Variants in SNTG1 observed in about 807,000 individuals in gnomAD.
SNTG1 encodes gamma-1-syntrophin.
SNTG1 carries 39 observed loss-of-function variants against 74.7 expected under a neutral mutation model. That is an observed-to-expected ratio of 0.52 (90% CI 0.40 to 0.68). The LOEUF (loss-of-function observed/expected upper bound fraction) is 0.68. Among genes scored for constraint, SNTG1 ranks in the 30% least tolerant of loss-of-function variants. The pLI is 0.00. For synonymous variants in SNTG1, 254 were observed against 217.1 expected, an observed-to-expected ratio of 1.17 and a Z score of -1.49; for missense variants, 685 against 609.5, an observed-to-expected ratio of 1.12 and a Z score of -1.30.
At chr8:50,324,154 C>A (rs1232822019) in intron 2 of SNTG1, among the ~76,000 whole-genome samples, 2 of 152,172 alleles carry the variant, frequency 1.3e-5, no homozygotes, top group African/African-American at 2.4e-5. Flanking sequence ...CTGGGATGGG[C>A]CATTCCTCTC....
intron 4 of SNTG1, among the ~76,000 whole-genome samples, chr8:50,427,143 C>T (rs2093173397): frequency 6.6e-6 from 1 of 152,014 alleles, no homozygotes; most frequent in Non-Finnish European, 1.5e-5. Flanking sequence ...TTCTTACTCA[C>T]AGTAAAGGTT....
At chr8:50,063,567 C>A (rs980995181) in intron 1 of SNTG1, among the ~76,000 whole-genome samples, 5 of 152,194 alleles carry the variant, frequency 3.3e-5, no homozygotes, top group African/African-American at 1.2e-4. Context: ...GAAGCACTGA[C>A]AGTTCATTGT....
At chr8:50,499,362 T>C (rs2129636389) in intron 8 of SNTG1, among the ~76,000 whole-genome samples, 1 of 151,730 alleles carries the variant, frequency 6.6e-6, no homozygotes, top group East Asian at 1.9e-4. Flanking sequence ...GTGATTATTT[T>C]ATATTTATCT....
chr8:50,792,606 G>A (rs995806027), intron 18 of SNTG1, 65 bp from the exon 19 acceptor site: 2 of 1,446,856 alleles, frequency 1.4e-6, no homozygotes, highest in Non-Finnish European at 1.9e-6. Flanking sequence ...AAAAAATCTA[G>A]CTATTATAAA....
intron 1 of SNTG1, among the ~76,000 whole-genome samples, chr8:50,116,580 A>G (rs1349544762): frequency 6.6e-6 from 1 of 152,190 alleles, no homozygotes; most frequent in African/African-American, 2.4e-5. Context: ...ATTTATAAGA[A>G]TTTTGAATAT....
intron 13 of SNTG1, among the ~76,000 whole-genome samples, chr8:50,615,840 A>G (rs768705430): frequency 1.3e-5 from 2 of 152,368 alleles, no homozygotes; most frequent in Non-Finnish European, 2.9e-5. Flanking sequence ...GAAAGAGGCA[A>G]CGCATTTGTC....
intron 2 of SNTG1, among the ~76,000 whole-genome samples, chr8:50,247,523 T>C (rs1179500341): frequency 6.6e-6 from 1 of 152,064 alleles, no homozygotes; most frequent in Non-Finnish European, 1.5e-5. Context: ...ATTAAAAAAA[T>C]TTTAGAGACA....
At chr8:50,526,489 C>T (rs1216216413) in intron 9 of SNTG1, among the ~76,000 whole-genome samples, 3 of 152,188 alleles carry the variant, frequency 2.0e-5, no homozygotes, top group Admixed American at 1.3e-4. Context: ...TTCTGGAGCA[C>T]TCTTCAAAGC....
chr8:50,124,667 G>C (rs746172124), intron 1 of SNTG1, among the ~76,000 whole-genome samples: 1 of 141,226 alleles, frequency 7.1e-6, no homozygotes, highest in Non-Finnish European at 1.6e-5. Flanking sequence ...CAAATTATTG[G>C]TGAATAAGAC....
chr8:50,649,985 TC>T (rs1276385583), intron 13 of SNTG1, among the ~76,000 whole-genome samples: 1 of 151,876 alleles, frequency 6.6e-6, no homozygotes, highest in Admixed American at 6.6e-5. Flanking sequence ...ACATTTAATT[TC>T]TTTTTTTTTT....
intron 2 of SNTG1, among the ~76,000 whole-genome samples, chr8:50,255,196 G>A (rs1309468521): frequency 1.3e-5 from 2 of 151,874 alleles, no homozygotes; most frequent in African/African-American, 4.8e-5. Context: ...TTTCTTATCA[G>A]GGTCACTTGT....
chr8:50,254,286 A>G (rs1312312176), intron 2 of SNTG1, among the ~76,000 whole-genome samples: 1 of 152,212 alleles, frequency 6.6e-6, no homozygotes, highest in Non-Finnish European at 1.5e-5. Flanking sequence ...ATTTTTAACT[A>G]CTAAAGAATA....
intron 18 of SNTG1, among the ~76,000 whole-genome samples, chr8:50,767,862 T>G (rs1422053456): frequency 6.6e-6 from 1 of 152,046 alleles, no homozygotes; most frequent in Non-Finnish European, 1.5e-5. Context: ...CAAAACGTGC[T>G]GTATTCTACA....
At chr8:50,030,490 A>T (rs1817650745) in intron 1 of SNTG1, among the ~76,000 whole-genome samples, 1 of 152,048 alleles carries the variant, frequency 6.6e-6, no homozygotes, top group Admixed American at 6.5e-5. Context: ...TTACATTTTA[A>T]TTTATAATCC....
intron 2 of SNTG1, among the ~76,000 whole-genome samples, chr8:50,318,910 G>A (rs764999953): frequency 6.0e-5 from 9 of 150,960 alleles, no homozygotes; most frequent in East Asian, 1.9e-4. Flanking sequence ...TAATTCTTAC[G>A]TTTTATCAAT....
intron 2 of SNTG1, among the ~76,000 whole-genome samples, chr8:50,176,390 T>C (rs2083000563): frequency 6.6e-6 from 1 of 152,178 alleles, no homozygotes; most frequent in Non-Finnish European, 1.5e-5. Context: ...AAATGACAAA[T>C]TGATCAAATG....
intron 1 of SNTG1, among the ~76,000 whole-genome samples, chr8:49,940,700 A>G (rs1014141569): frequency 8.5e-5 from 13 of 152,176 alleles, no homozygotes; most frequent in African/African-American, 2.9e-4. Flanking sequence ...AGAACTCAAA[A>G]CAGTTATGAC....
chr8:50,612,441 A>G (rs1191236322), intron 13 of SNTG1, among the ~76,000 whole-genome samples: 3 of 152,220 alleles, frequency 2.0e-5, no homozygotes, highest in African/African-American at 7.2e-5. Flanking sequence ...ATAATACATT[A>G]CATTTCAAGT....
At chr8:50,453,086 T>G (rs984848518) in intron 8 of SNTG1, among the ~76,000 whole-genome samples, 3 of 152,218 alleles carry the variant, frequency 2.0e-5, no homozygotes, top group African/African-American at 7.2e-5. Context: ...CCTACTCTAT[T>G]CCTTGATGTT....
Sources: allele counts gnomAD v4.1 joint callset (sites outside exome capture counted in the v4.1 genomes callset), GRCh38; gene constraint gnomAD v4.1.1; transcripts MANE v1.5; gene names NCBI Gene and HGNC (gene_info 2026-07-23, HGNC 2026-07-21).